The following BICD1 variants were observed in gnomAD, a reference collection of about 807,000 sequenced individuals.
BICD1 encodes protein bicaudal D homolog 1.
BICD1 carries 35 observed loss-of-function variants against 92.5 expected under a neutral mutation model. The observed-to-expected ratio is 0.38, with a 90% CI of 0.29 to 0.50. The LOEUF (loss-of-function observed/expected upper bound fraction) is 0.50, where lower values mean the gene tolerates loss of function less well. Ranked by LOEUF, BICD1 falls within the 20% of genes least tolerant of loss-of-function variation. BICD1 has a pLI of 0.93. For synonymous variants in BICD1, 429 were observed against 465.1 expected, an observed-to-expected ratio of 0.92 and a Z score of 1.00; for missense variants, 950 against 1,189.8, an observed-to-expected ratio of 0.80 and a Z score of 2.97.
rs58742906 is a variant in BICD1 at position 32,215,973 on chromosome 12, A to AG, written c.214-274_214-273insG. Among the ~76,000 whole-genome samples the AG allele has an allele frequency of 6.1e-3, 920 of 150,534 alleles. 6 individuals are homozygous for AG. The highest frequency in any genetic ancestry group is 0.019 in the African/African-American group (771 of 41,130). The stretch of plus-strand genomic sequence containing the variant: ...CGTCTCAAAAAAAAAAAAAAAAAAA[A>AG]AAGGAGAACATAAAGCAAGTAACAA... On this transcript the variant is annotated intron_variant, in intron 1 of 9. Coordinates refer to ENST00000652176, the MANE Select transcript of BICD1 (RefSeq NM_001714.4).
chr12:32,305,651 A>G, intron 3 of BICD1, 46 bp from the exon 4 acceptor site: 1 of 1,527,770 alleles, frequency 6.5e-7, no homozygotes, highest in Non-Finnish European at 8.8e-7. Context: ...GTTTTGTAAG[A>G]TCCACATTTT....
chr12:32,147,012 T>G (rs1943134047), intron 1 of BICD1, among the ~76,000 whole-genome samples: 1 of 151,864 alleles, frequency 6.6e-6, no homozygotes. Flanking sequence ...TGATCATAGC[T>G]CACTGCAGCC....
intron 1 of BICD1, among the ~76,000 whole-genome samples, chr12:32,172,468 A>T (rs557938478): frequency 1.3e-5 from 2 of 152,348 alleles, no homozygotes; most frequent in East Asian, 3.9e-4. Flanking sequence ...GTAGTAAGAG[A>T]TCCAGAATCT....
At chr12:32,175,964 A>G (rs967382779) in intron 1 of BICD1, among the ~76,000 whole-genome samples, 2 of 152,192 alleles carry the variant, frequency 1.3e-5, no homozygotes, top group African/African-American at 4.8e-5. Flanking sequence ...GACATTTCAT[A>G]TAAATGAGAT....
chr12:32,115,902 A>G (rs1941873140), intron 1 of BICD1, among the ~76,000 whole-genome samples: 1 of 152,194 alleles, frequency 6.6e-6, no homozygotes, highest in African/African-American at 2.4e-5. Context: ...GTGGCAAGCC[A>G]GGATGATTCA....
chr12:32,254,145 C>CAGAG, intron 2 of BICD1, among the ~76,000 whole-genome samples: 1 of 149,992 alleles, frequency 6.7e-6, no homozygotes, highest in African/African-American at 2.5e-5. Flanking sequence ...CGTATCCCAC[C>CAGAG]TGCCATAATC....
intron 1 of BICD1, among the ~76,000 whole-genome samples, chr12:32,192,458 ATAGATAG>A (rs1944601334): frequency 6.1e-5 from 9 of 147,204 alleles, no homozygotes; most frequent in East Asian, 3.9e-4. Context: ...AAATAAATAG[ATAGATAG>A]ATAGATAGAT....
chr12:32,108,074 T>G (rs1010366524), intron 1 of BICD1: 1 of 254,972 alleles, frequency 3.9e-6, no homozygotes, highest in African/African-American at 2.2e-5. Flanking sequence ...CTGCTTGGCT[T>G]TAGTCATTCT....
intron 1 of BICD1, among the ~76,000 whole-genome samples, chr12:32,117,709 T>TACACACACACAC (rs71064996): frequency 1.2e-4 from 10 of 85,180 alleles, no homozygotes; most frequent in African/African-American, 4.0e-4. Flanking sequence ...CACAAATATA[T>TACACACACACAC]ATACACACAC....
rs182184648 is a variant in BICD1 at position 32,154,113 on chromosome 12, C to T, written c.213+46569C>T. On this transcript the variant is annotated intron_variant, in intron 1 of 9. Coordinates refer to ENST00000652176, the MANE Select transcript of BICD1 (RefSeq NM_001714.4). ...AAGTTATTGCTGTGCAGGCAAAAAA[C>T]AGACAAAAGACTCACCCAACTCTAA... Among the ~76,000 whole-genome samples, 4 of 152,210 alleles carry T rather than the reference C, an allele frequency of 2.6e-5. No individual in the cohort carries two copies. In the East Asian group the frequency reaches 7.7e-4, roughly 29 times the overall value.
rs2388988 is a variant in BICD1, at chr12:32,337,414, G to T, written c.2253-85G>T. The stretch of plus-strand genomic sequence containing the variant: ...CCAGTCTTCTAAATTTCTAAATTTC[G>T]GTCAAATTTATTACTTTTCAGCTTA... On this transcript the variant is annotated intron_variant, in intron 6 of 9. Transcript: ENST00000652176. This position sits in a 1 kb window ranked among gnomAD's most constrained non-coding sequence, Gnocchi z 4.7. 1.5e-6 allele frequency: 2 copies of T among 1,296,910 alleles called. No homozygotes were observed. Among genetic ancestry groups the T allele is most frequent in the East Asian group, 2.4e-5 (1 of 41,864 alleles). 80.3% of individuals were successfully genotyped at this position (1,296,910 alleles called of 1,614,324 possible).
chr12:32,354,447 C>T (rs1429602310), intron 8 of BICD1, among the ~76,000 whole-genome samples: 2 of 152,116 alleles, frequency 1.3e-5, no homozygotes, highest in African/African-American at 4.8e-5. Context: ...TTCAACAATT[C>T]CTTCTTTTTG....
chr12:32,258,070 G>A (rs1285825906), intron 2 of BICD1, among the ~76,000 whole-genome samples: 1 of 152,204 alleles, frequency 6.6e-6, no homozygotes, highest in African/African-American at 2.4e-5. Context: ...AATTGCAGCA[G>A]AGTATGCTTG....
intron 1 of BICD1, among the ~76,000 whole-genome samples, chr12:32,205,795 A>G (rs12829081): frequency 0.04 from 5,989 of 150,414 alleles, 135 homozygotes; most frequent in African/African-American, 0.053. Context: ...ATGACTCTCT[A>G]AAGTATTTTC....
intron 9 of BICD1, among the ~76,000 whole-genome samples, chr12:32,374,534 T>C (rs975062218): frequency 3.4e-4 from 52 of 151,234 alleles, no homozygotes; most frequent in Non-Finnish European, 6.5e-4. Flanking sequence ...TGCCATACAT[T>C]ATTTTCTGTT....
At chr12:32,321,521 A>C (rs941487610) in intron 4 of BICD1, among the ~76,000 whole-genome samples, 1 of 152,122 alleles carries the variant, frequency 6.6e-6, no homozygotes, top group Non-Finnish European at 1.5e-5. Context: ...CAGACAGAAA[A>C]TGAAGATTGT....
intron 2 of BICD1, among the ~76,000 whole-genome samples, chr12:32,279,681 G>C (rs1947365615): frequency 6.6e-6 from 1 of 152,244 alleles, no homozygotes; most frequent in Admixed American, 6.5e-5. Context: ...AATGTGAACT[G>C]GTTGTGAGAC....
chr12:32,284,878 G>A (rs1055426701), intron 2 of BICD1, among the ~76,000 whole-genome samples: 6 of 152,126 alleles, frequency 3.9e-5, no homozygotes, highest in African/African-American at 1.2e-4. Flanking sequence ...TCAGAGGTTC[G>A]CGACACTAGA....
chr12:32,310,505 G>A (rs1226425456), intron 4 of BICD1, among the ~76,000 whole-genome samples: 1 of 152,144 alleles, frequency 6.6e-6, no homozygotes, highest in Admixed American at 6.5e-5. Flanking sequence ...TGCCATCAAG[G>A]AGGTCTGCAT....
Sources: gnomAD v4.1 joint callset for allele counts (sites outside exome capture counted in the v4.1 genomes callset) on GRCh38, gnomAD v4.1.1 for gene constraint, Gnocchi (gnomAD v3.1) non-coding constraint, MANE v1.5 for transcripts, NCBI Gene and HGNC (gene_info 2026-07-23, HGNC 2026-07-21) for gene names.